The following SEMA4D variants were observed in gnomAD, a reference collection of about 807,000 sequenced individuals.
The protein encoded by SEMA4D is semaphorin-4D.
SEMA4D carries 22 observed loss-of-function variants against 74.8 expected under a neutral mutation model. That is an observed-to-expected ratio of 0.29 (90% confidence interval 0.21 to 0.42). The LOEUF is 0.42. Ranked by LOEUF, SEMA4D falls within the 10% of genes least tolerant of loss-of-function variation. SEMA4D has a pLI of 1.00. For synonymous variants in SEMA4D, 445 were observed against 463.7 expected (o/e 0.96, Z 0.52); for missense variants, 937 against 1,118.4 (o/e 0.84, Z 2.31).
chr9:89,482,509 C>T (rs774472577), intron 1 of SEMA4D, among the ~76,000 whole-genome samples: 50 of 152,208 alleles, frequency 3.3e-4, no homozygotes, highest in Non-Finnish European at 6.3e-4. Flanking sequence ...TAGCAAATGT[C>T]TCCTGTGCAG....
chr9:89,391,190 C>CA, intron 9 of SEMA4D, 74 bp downstream of exon 9: 2 of 1,472,892 alleles, frequency 1.4e-6, no homozygotes, highest in Non-Finnish European at 1.9e-6. Flanking sequence ...AGACGAAGGT[C>CA]AGGAGCCACC....
chr9:89,394,823 G>A (rs1158614207), intron 6 of SEMA4D, among the ~76,000 whole-genome samples: 1 of 152,250 alleles, frequency 6.6e-6, no homozygotes. Context: ...GGCTGTTGGG[G>A]AAATCTGAAC....
intron 12 of SEMA4D, chr9:89,387,126 C>T (rs2133032730): frequency 4.5e-6 from 2 of 441,448 alleles, no homozygotes; most frequent in South Asian, 6.6e-5. Context: ...TACTCCTCTG[C>T]CCCAGCCCAG....
chr9:89,448,434 G>A (rs1315034938), intron 2 of SEMA4D, among the ~76,000 whole-genome samples: 1 of 152,234 alleles, frequency 6.6e-6, no homozygotes, highest in Non-Finnish European at 1.5e-5. Context: ...AGTGAACTGT[G>A]CATGACAGGC....
intron 4 of SEMA4D, among the ~76,000 whole-genome samples, chr9:89,401,569 G>A (rs1233821483): frequency 1.3e-5 from 2 of 152,204 alleles, no homozygotes; most frequent in Non-Finnish European, 2.9e-5. Flanking sequence ...GACCATGGAT[G>A]CGACGATTTG....
rs9445 is a variant in SEMA4D at position 89,377,658 on chromosome 9, A to T, written c.*1046T>A. On this transcript the variant is annotated 3_prime_UTR_variant, in exon 16 of 16. Transcript: ENST00000422704. ...AGAAAGTCTGGGCAGGCAGTGGGTA[A>T]GCAATTGAAGCAAGAAGAGAAAGGA... 60,860 of 151,948 alleles carry T rather than the reference A, an allele frequency of 0.4. 12,440 individuals carry two copies. Among genetic ancestry groups the T allele is most frequent in the African/African-American group, 0.49 (20,352 of 41,380 alleles). 9.4% of individuals were successfully genotyped at this position (151,948 alleles called of 1,614,324 possible).
chr9:89,362,223 G>T (rs1832811858), exon 19 of SEMA4D: 1 of 1,022,212 alleles, frequency 9.8e-7, no homozygotes, highest in Non-Finnish European at 1.5e-6. Context: ...TGGGTTCCAG[G>T]CTTCTCCACT....
intron 1 of SEMA4D, among the ~76,000 whole-genome samples, chr9:89,482,751 C>T (rs1171048885): frequency 1.3e-5 from 2 of 152,224 alleles, no homozygotes; most frequent in East Asian, 3.9e-4. Flanking sequence ...GACACCATCA[C>T]TTATTTAGAG....
rs143625831 is a variant in SEMA4D at position 89,381,268 on chromosome 9, A to G, written c.1525T>C (p.Cys509Arg). Residue 509 changes from cysteine to arginine, a missense_variant, in exon 14 of 16, where the codon TGC becomes CGC. Physicochemically the swap from Cys to Arg is radical, Grantham distance 180. Coordinates refer to ENST00000422704, the MANE Select transcript of SEMA4D (RefSeq NM_001371194.2). The surrounding 1 kb of genome is among the most constrained non-coding windows in gnomAD (Gnocchi z 4.6). Reference sequence around the variant, plus strand: ...TCCCGCGCCAGCACACAGTCCTCGCAGGTGCCGTGCTTCCCACAGAAGGCC... The same window carrying G: ...TCCCGCGCCAGCACACAGTCCTCGCGGGTGCCGTGCTTCCCACAGAAGGCC... ...PLAFCGKHGT[C>R]EDCVLARDPY... The G allele has an allele frequency of 6.3e-7, 1 of 1,594,604 alleles. No homozygotes were observed. The highest frequency in any genetic ancestry group is 8.6e-7 in the Non-Finnish European group (1 of 1,167,974).
chr9:89,471,594 A>ACGCCAGC (rs1860257325), intron 1 of SEMA4D, among the ~76,000 whole-genome samples: 1 of 151,140 alleles, frequency 6.6e-6, no homozygotes, highest in African/African-American at 2.5e-5. Context: ...GCTCAGATGC[A>ACGCCAGC]TGCCAGCTCA....
intron 1 of SEMA4D, among the ~76,000 whole-genome samples, chr9:89,478,726 T>C (rs1862383099): frequency 6.6e-6 from 1 of 152,004 alleles, no homozygotes; most frequent in South Asian, 2.1e-4. Context: ...CACTCCACTC[T>C]CCCACCCAAA....
intron 2 of SEMA4D, 34 bp downstream of exon 2, chr9:89,455,854 G>A (rs1294298134): frequency 1.3e-5 from 2 of 152,226 alleles, no homozygotes; most frequent in East Asian, 1.9e-4. Flanking sequence ...AGGAACCATG[G>A]CTCTCAGGCA....
intron 6 of SEMA4D, among the ~76,000 whole-genome samples, chr9:89,395,040 G>GCA (rs1192570374): frequency 6.6e-5 from 10 of 152,140 alleles, no homozygotes; most frequent in Non-Finnish European, 1.5e-5. Context: ...ACAGACACGT[G>GCA]CACACACACA....
intron 2 of SEMA4D, among the ~76,000 whole-genome samples, chr9:89,413,481 C>T (rs1313689424): frequency 5.3e-5 from 8 of 152,178 alleles, no homozygotes; most frequent in Non-Finnish European, 2.9e-5. Context: ...TGTATGTGCA[C>T]GCATGTGCAT....
intron 3 of SEMA4D, among the ~76,000 whole-genome samples, chr9:89,403,991 G>C (rs1218411145): frequency 6.6e-6 from 1 of 152,204 alleles, no homozygotes; most frequent in Non-Finnish European, 1.5e-5. Context: ...ATGTGGAAGA[G>C]AGATGCACAC....
chr9:89,450,282 G>A, intron 2 of SEMA4D: 1 of 944,090 alleles, frequency 1.1e-6, no homozygotes, highest in Non-Finnish European at 1.8e-6. Context: ...GGATGCAGGA[G>A]AGAGAACCAC....
intron 2 of SEMA4D, chr9:89,418,748 A>C (rs1230974687): frequency 1.3e-5 from 2 of 151,882 alleles, no homozygotes; most frequent in Non-Finnish European, 2.9e-5. Context: ...TCAGAATCGC[A>C]AAACCAGAGC....
chr9:89,461,217 G>A (rs1762262575), intron 1 of SEMA4D, among the ~76,000 whole-genome samples: 1 of 152,186 alleles, frequency 6.6e-6, no homozygotes, highest in African/African-American at 2.4e-5. Context: ...GTGTGGAAGT[G>A]TGAGCCCCTC....
intron 3 of SEMA4D, 23 bp downstream of exon 3, chr9:89,405,328 C>G: frequency 6.2e-7 from 1 of 1,602,824 alleles, no homozygotes. Context: ...GCCATCAGCA[C>G]CCCTGCAGGT....
Sources: gnomAD v4.1 joint callset for allele counts (sites outside exome capture counted in the v4.1 genomes callset) on GRCh38, gnomAD v4.1.1 for gene constraint, Gnocchi (gnomAD v3.1) non-coding constraint, MANE v1.5 for transcripts, NCBI Gene and HGNC (gene_info 2026-07-23, HGNC 2026-07-21) for gene names.